BACE1: variants seen among roughly 807,000 people sequenced by gnomAD.
BACE1 encodes the protein beta-secretase 1.
Under a neutral mutation model 54.0 loss-of-function variants are expected in BACE1, and 21 were observed. That is an observed-to-expected ratio of 0.39 (90% CI 0.28 to 0.56). BACE1 has a LOEUF of 0.56. Ranked by LOEUF, BACE1 falls within the 20% of genes least tolerant of loss-of-function variation. The probability of loss-of-function intolerance (pLI) is 0.63; values close to 1 mark genes in which losing one functional copy is unlikely to be tolerated. For missense variants in BACE1, 511 were observed against 661.2 expected (o/e 0.77, Z 2.49); for synonymous variants, 232 against 260.9 (o/e 0.89, Z 1.07).
chr11:117,297,648 C>G (rs1840353702), intron 1 of BACE1, among the ~76,000 whole-genome samples: 1 of 151,802 alleles, frequency 6.6e-6, no homozygotes, highest in Non-Finnish European at 1.5e-5. Flanking sequence ...TGGACTTTGG[C>G]AAAAATAGTT....
rs2034614491 is a variant in BACE1, at chr11:117,296,918, C to G, written c.305G>C (p.Gly102Ala). 3.7e-6 allele frequency: 6 copies of G among 1,613,842 alleles called. No individual in the cohort carries two copies. The highest frequency in any genetic ancestry group is 5.1e-6 in the Non-Finnish European group (6 of 1,179,884). ...ATGCAGGAAGGGGTGGGGGGCAGCA[C>G]CCACTGCAAAGTTACTGCTGCCTGT... is the stretch of plus-strand genomic sequence containing the variant. ...VDTGSSNFAV[G>A]AAPHPFLHRY... Residue 102 changes from glycine (G) to alanine (A), a missense_variant, in exon 2 of 9, where the codon GGT (glycine) becomes GCT (alanine). Coordinates refer to ENST00000313005, the MANE Select transcript of BACE1 (RefSeq NM_012104.6).
At chr11:117,303,556 A>T (rs1224952660) in intron 1 of BACE1, among the ~76,000 whole-genome samples, 1 of 152,248 alleles carries the variant, frequency 6.6e-6, no homozygotes, top group African/African-American at 2.4e-5. Flanking sequence ...ACCAGCAGAC[A>T]GCGATAGCTC....
At position 117,295,134 on chromosome 11, in the gene BACE1, G is replaced by A; in HGVS notation, c.564C>T (p.Ala188=). The change falls in exon 3 of 9, where the codon GCC becomes GCT. Residue 188 remains alanine (A), a synonymous_variant. Coordinates refer to ENST00000313005, the MANE Select transcript of BACE1 (RefSeq NM_012104.6). The part of the protein sequence containing the change: ...GILGLAYAEI[A]RPDDSLEPFF... ...GGCCAAGCCCTGTTCCTCTCACCCTGGCAATCTCAGCATAGGCCAGCCCCA... is the reference window on the plus strand; with the variant it reads ...GGCCAAGCCCTGTTCCTCTCACCCTAGCAATCTCAGCATAGGCCAGCCCCA... The A allele has an allele frequency of 6.2e-7, 1 of 1,613,996 alleles. No homozygotes were observed. Among genetic ancestry groups the A allele is most frequent in the Non-Finnish European group, 8.5e-7 (1 of 1,179,878 alleles).
chr11:117,301,429 ACCTC>A (rs1434555749), intron 1 of BACE1, among the ~76,000 whole-genome samples: 3 of 151,910 alleles, frequency 2.0e-5, no homozygotes, highest in African/African-American at 7.3e-5. Context: ...CCTCCCACAC[ACCTC>A]CATGTCTACA....
At chr11:117,314,114 T>G (rs1163205764) in intron 1 of BACE1, among the ~76,000 whole-genome samples, 2 of 152,058 alleles carry the variant, frequency 1.3e-5, no homozygotes, top group Non-Finnish European at 2.9e-5. Flanking sequence ...TGCCATGGGG[T>G]CCATGCACAG....
chr11:117,306,563 T>G (rs2034836536), intron 1 of BACE1, among the ~76,000 whole-genome samples: 1 of 152,088 alleles, frequency 6.6e-6, no homozygotes. Flanking sequence ...GTCCCAGCAC[T>G]TTGGGAGGCT....
chr11:117,298,299 CAA>C (rs546773274), intron 1 of BACE1, among the ~76,000 whole-genome samples: 1 of 140,556 alleles, frequency 7.1e-6, no homozygotes. Context: ...CACTCCGTCT[CAA>C]AAAAAAAAAG....
Position 117,295,214 on chromosome 11 carries a change from C to T in BACE1, c.484G>A (p.Ala162Thr). ...PNVTVRANIA[A>T]ITESDKFFIN... ...AAGAACTTGTCTGATTCAGTGATGGCAGCAATGTTGGCACGCACAGTGACG... is the reference window on the plus strand; with the variant it reads ...AAGAACTTGTCTGATTCAGTGATGGTAGCAATGTTGGCACGCACAGTGACG... The change falls in exon 3 of 9, where the codon GCC (alanine) becomes ACC (threonine). Residue 162 changes from alanine (A) to threonine (T), a missense_variant. Ala to Thr is a moderately conservative substitution (Grantham distance 58). Around this residue, in one of 2 missense-constraint regions of BACE1, gnomAD observed 407 missense variants for 565.7 expected, o/e 0.72. Coordinates refer to ENST00000313005, the MANE Select transcript of BACE1 (RefSeq NM_012104.6). 1 of 1,614,186 alleles carries T rather than the reference C, an allele frequency of 6.2e-7. No individual in the cohort carries two copies. The highest frequency in any genetic ancestry group is 8.5e-7 in the Non-Finnish European group (1 of 1,180,024).
At chr11:117,296,624 G>A (rs2034607046) in intron 2 of BACE1, among the ~76,000 whole-genome samples, 1 of 152,056 alleles carries the variant, frequency 6.6e-6, no homozygotes, top group African/African-American at 2.4e-5. Context: ...CCTCCCACAG[G>A]AGGCTGCCCT....
chr11:117,292,637 A>G (rs1051421287), intron 5 of BACE1, among the ~76,000 whole-genome samples: 2 of 152,116 alleles, frequency 1.3e-5, no homozygotes, highest in Non-Finnish European at 2.9e-5. Flanking sequence ...AGTTGTTTTT[A>G]CCTGTTTTGC....
In BACE1 at chr11:117,291,816, A is replaced by C; in HGVS notation, c.841-3T>G. The stretch of plus-strand genomic sequence containing the variant: ...ACAATGCTCTTGTCATAGTTGTACT[A>C]AGAGGGAAAAGAGAGAGTTAAAAGA... On this transcript the variant is annotated splice_region_variant and splice_polypyrimidine_tract_variant and intron_variant, in intron 5 of 8. Coordinates refer to ENST00000313005, the MANE Select transcript of BACE1 (RefSeq NM_012104.6). 1 of 1,598,068 alleles carries C rather than the reference A, an allele frequency of 6.3e-7. No homozygotes were observed. The highest frequency in any genetic ancestry group is 1.3e-5 in the African/African-American group (1 of 74,660).
At chr11:117,297,673 C>T (rs781598839) in intron 1 of BACE1, among the ~76,000 whole-genome samples, 4 of 151,968 alleles carry the variant, frequency 2.6e-5, no homozygotes, top group African/African-American at 4.8e-5. Flanking sequence ...GAGGGATAAA[C>T]GGAGGCCAGG....
Position 117,316,125 on chromosome 11 carries a change from C to A in BACE1, c.-330G>T, listed in dbSNP as rs1324476874. 5.1e-6 allele frequency: 2 copies of A among 395,326 alleles called. No individual in the cohort carries two copies. The highest frequency in any genetic ancestry group is 8.9e-6 in the Non-Finnish European group (2 of 224,558). The allele number at this position is 395,326 out of a possible 1,614,324, so 24.5% of individuals were successfully genotyped here. On this transcript the variant is annotated 5_prime_UTR_variant, in exon 1 of 9. Transcript: ENST00000313005. ...GCGGGCCGGTGGCGGCTTCCCTGGT[C>A]CCCCCGGCGGGCGGCGGCGCGGGCA...
chr11:117,295,682 C>A, intron 2 of BACE1: 1 of 1,509,302 alleles, frequency 6.6e-7, no homozygotes. Context: ...GGCATCTCTT[C>A]CGCCCTCTGG....
chr11:117,302,529 C>T (rs763019023), intron 1 of BACE1, among the ~76,000 whole-genome samples: 1 of 152,160 alleles, frequency 6.6e-6, no homozygotes, highest in African/African-American at 2.4e-5. Flanking sequence ...CCCTACACAT[C>T]CTGCCATCTG....
At chr11:117,302,454 C>T (rs2034746236) in intron 1 of BACE1, among the ~76,000 whole-genome samples, 1 of 152,240 alleles carries the variant, frequency 6.6e-6, no homozygotes. Flanking sequence ...CTCGCAAAGG[C>T]TGTTGTATCA....
At position 117,291,825 on chromosome 11, in the gene BACE1, AAG is replaced by A. The variant is rs776542380; in HGVS notation, c.841-14_841-13del. ...TTGTCATAGTTGTACTAAGAGGGAAAAGAGAGAGTTAAAAGAGTCAAAAGGTT... is the reference window on the plus strand; with the variant it reads ...TTGTCATAGTTGTACTAAGAGGGAAAAGAGAGTTAAAAGAGTCAAAAGGTT... On this transcript the variant is annotated splice_polypyrimidine_tract_variant and intron_variant, in intron 5 of 8. Coordinates refer to ENST00000313005, the MANE Select transcript of BACE1 (RefSeq NM_012104.6). 25 of 1,592,276 alleles carry A rather than the reference AAG, an allele frequency of 1.6e-5. No individual in the cohort carries two copies. Among genetic ancestry groups the A allele is most frequent in the Middle Eastern group, 3.3e-4 (2 of 6,026 alleles).
intron 1 of BACE1, among the ~76,000 whole-genome samples, chr11:117,307,954 A>T (rs980748122): frequency 6.6e-5 from 10 of 150,700 alleles, no homozygotes; most frequent in African/African-American, 2.4e-4. Flanking sequence ...CAACCTTTTT[A>T]TTGCAAAAAC....
At chr11:117,302,869 A>C (rs768156135) in intron 1 of BACE1, among the ~76,000 whole-genome samples, 1 of 152,232 alleles carries the variant, frequency 6.6e-6, no homozygotes, top group African/African-American at 2.4e-5. Context: ...TGGGTGACAG[A>C]GTGATACCTT....
Sources: gnomAD v4.1 joint callset for allele counts (sites outside exome capture counted in the v4.1 genomes callset) on GRCh38, gnomAD v4.1.1 for gene constraint, gnomAD v4.1.1 regional missense constraint, MANE v1.5 for transcripts, NCBI Gene and HGNC (gene_info 2026-07-23, HGNC 2026-07-21) for gene names.